Variants in AKAP19 observed in about 807,000 individuals in gnomAD.
AKAP19 encodes A-kinase anchoring protein 19, also known as small A-kinase anchoring protein.
At chr2:190,150,145 C>A in the AKAP19 span, 1 of 152,360 alleles carries the variant, frequency 6.6e-6, no homozygotes, top group African/African-American at 2.4e-5. Context: ...CTACCCACCT[C>A]CCAGCTGCAA....
chr2:190,196,288 T>C, the AKAP19 span, among the ~76,000 whole-genome samples: 1 of 152,136 alleles, frequency 6.6e-6, no homozygotes, highest in South Asian at 2.1e-4. Flanking sequence ...GACACATCTA[T>C]AGATTTATGT....
At chr2:190,155,650 T>C in the AKAP19 span, among the ~76,000 whole-genome samples, 2 of 151,878 alleles carry the variant, frequency 1.3e-5, no homozygotes, top group Admixed American at 6.6e-5. Flanking sequence ...CAGACAGGAG[T>C]CTGGAAAGCT....
the AKAP19 span, among the ~76,000 whole-genome samples, chr2:190,133,609 A>G: frequency 6.6e-6 from 1 of 152,210 alleles, no homozygotes; most frequent in Non-Finnish European, 1.5e-5. Flanking sequence ...TAACCAAGAT[A>G]TGGATTCAAC....
chr2:190,010,692 A>G, the AKAP19 span, among the ~76,000 whole-genome samples: 8,126 of 152,244 alleles, frequency 0.053, 750 homozygotes, highest in African/African-American at 0.19. Flanking sequence ...GCTGCATAAC[A>G]AAAATATCAC....
At chr2:190,082,002 A>C in the AKAP19 span, among the ~76,000 whole-genome samples, 2 of 152,140 alleles carry the variant, frequency 1.3e-5, no homozygotes, top group Admixed American at 1.3e-4. Context: ...TGATACAGCT[A>C]TCCACCTGAC....
the AKAP19 span, among the ~76,000 whole-genome samples, chr2:189,937,517 T>C: frequency 6.6e-6 from 1 of 151,800 alleles, no homozygotes; most frequent in Non-Finnish European, 1.5e-5. Flanking sequence ...AAACAGTTTG[T>C]AGAATCACAG....
chr2:190,156,085 C>T, the AKAP19 span, among the ~76,000 whole-genome samples: 5 of 151,874 alleles, frequency 3.3e-5, no homozygotes, highest in South Asian at 2.1e-4. Context: ...TGGAGCATAT[C>T]GTGACCTCCT....
the AKAP19 span, among the ~76,000 whole-genome samples, chr2:190,059,226 T>C: frequency 1.3e-3 from 200 of 152,074 alleles, 1 homozygote; most frequent in East Asian, 4.1e-3. Context: ...TGTGATCACA[T>C]TAAGTATTTG....
chr2:190,109,619 C>T, the AKAP19 span, among the ~76,000 whole-genome samples: 1 of 152,094 alleles, frequency 6.6e-6, no homozygotes, highest in Admixed American at 6.6e-5. Context: ...TCCTCAAGAC[C>T]TAAATAATCA....
the AKAP19 span, among the ~76,000 whole-genome samples, chr2:189,926,728 C>G: frequency 6.6e-6 from 1 of 151,070 alleles, no homozygotes; most frequent in Non-Finnish European, 1.5e-5. Flanking sequence ...CTACAGGCGC[C>G]CGCCACCATG....
the AKAP19 span, among the ~76,000 whole-genome samples, chr2:190,100,602 C>T: frequency 2.6e-5 from 4 of 152,074 alleles, no homozygotes; most frequent in African/African-American, 9.7e-5. Context: ...AATAACCTGA[C>T]AGAAATATTT....
At chr2:189,917,662 C>T in the AKAP19 span, 6 of 299,952 alleles carry the variant, frequency 2.0e-5, no homozygotes, top group East Asian at 8.0e-5. Context: ...GTTTCTATTT[C>T]GGTATCATTA....
the AKAP19 span, among the ~76,000 whole-genome samples, chr2:190,038,931 C>CT: frequency 3.0e-4 from 41 of 138,400 alleles, no homozygotes; most frequent in African/African-American, 1.2e-3. Flanking sequence ...TCTTCTTCTT[C>CT]TTCTTCTTCT....
chr2:189,961,044 G>T, the AKAP19 span, among the ~76,000 whole-genome samples: 1 of 152,134 alleles, frequency 6.6e-6, no homozygotes, highest in Non-Finnish European at 1.5e-5. Context: ...TATTGTCTTT[G>T]ATCAATATTT....
the AKAP19 span, among the ~76,000 whole-genome samples, chr2:190,140,984 A>G: frequency 6.6e-6 from 1 of 152,186 alleles, no homozygotes; most frequent in Non-Finnish European, 1.5e-5. Context: ...AAAGTTCTGC[A>G]GATCTCTAGG....
At chr2:190,093,941 T>C in the AKAP19 span, among the ~76,000 whole-genome samples, 9 of 152,364 alleles carry the variant, frequency 5.9e-5, no homozygotes, top group African/African-American at 2.2e-4. Flanking sequence ...AAGAAGGGCC[T>C]ACCCTCTGTC....
chr2:189,978,396 A>C, the AKAP19 span, among the ~76,000 whole-genome samples: 1 of 152,070 alleles, frequency 6.6e-6, no homozygotes, highest in Non-Finnish European at 1.5e-5. Context: ...TGAGGCGGGC[A>C]GATCACTTGA....
chr2:190,120,963 A>G, the AKAP19 span, among the ~76,000 whole-genome samples: 10 of 152,116 alleles, frequency 6.6e-5, no homozygotes, highest in African/African-American at 2.2e-4. Context: ...AGTGTTCTCT[A>G]TTTTATGTGA....
the AKAP19 span, among the ~76,000 whole-genome samples, chr2:190,187,783 G>A: frequency 1.3e-5 from 2 of 152,194 alleles, no homozygotes. Flanking sequence ...GAACCCAGGA[G>A]TTCGAGGCTG....
Sources: gnomAD v4.1 joint callset for allele counts (sites outside exome capture counted in the v4.1 genomes callset) on GRCh38, gnomAD v4.1.1 for gene constraint, MANE v1.5 for transcripts, NCBI Gene and HGNC (gene_info 2026-07-23, HGNC 2026-07-21) for gene names.